SRGAP2: variants seen among roughly 807,000 people sequenced by gnomAD.
SRGAP2 encodes the protein SLIT-ROBO Rho GTPase-activating protein 2.
Under a neutral mutation model 57.2 loss-of-function variants are expected in SRGAP2, and 15 were observed. The observed-to-expected ratio is 0.26, with a 90% CI of 0.18 to 0.40. SRGAP2 has a LOEUF of 0.40. Ranked by LOEUF, SRGAP2 falls within the 10% of genes least tolerant of loss-of-function variation. The pLI, the probability that SRGAP2 is intolerant of heterozygous loss-of-function variation, is 1.00. For missense variants in SRGAP2, 520 were observed against 669.6 expected (o/e 0.78, Z 2.47); for synonymous variants, 249 against 248.0 (o/e 1.00, Z -0.04).
At chr1:206,448,165 G>A (rs1662936338) in intron 18 of SRGAP2, among the ~76,000 whole-genome samples, 1 of 152,154 alleles carries the variant, frequency 6.6e-6, no homozygotes, top group African/African-American at 2.4e-5. Flanking sequence ...CAGTAAGGAG[G>A]TGAGTGAGGG....
At chr1:206,290,325 C>A (rs1671239987) in intron 2 of SRGAP2, among the ~76,000 whole-genome samples, 1 of 152,272 alleles carries the variant, frequency 6.6e-6, no homozygotes, top group East Asian at 1.9e-4. Context: ...GATCAAAGAA[C>A]CTATGGGATA....
chr1:206,291,421 A>G (rs1671313181), intron 2 of SRGAP2, among the ~76,000 whole-genome samples: 2 of 152,158 alleles, frequency 1.3e-5, no homozygotes, highest in Non-Finnish European at 2.9e-5. Context: ...CTTCATAACA[A>G]TCCAGTGGAG....
chr1:206,339,940 C>T (rs1206259941), intron 3 of SRGAP2, among the ~76,000 whole-genome samples: 3 of 138,934 alleles, frequency 2.2e-5, no homozygotes, highest in Non-Finnish European at 4.6e-5. Flanking sequence ...CAGGTGTGCA[C>T]CATCCACACT....
At chr1:206,438,639 T>G (rs1322692288) in intron 16 of SRGAP2, among the ~76,000 whole-genome samples, 3 of 152,234 alleles carry the variant, frequency 2.0e-5, no homozygotes, top group African/African-American at 4.8e-5. Flanking sequence ...ACTCTAAAAT[T>G]TGGGTCTTGA....
At chr1:206,268,096 T>C (rs1329661966) in intron 2 of SRGAP2, among the ~76,000 whole-genome samples, 4 of 150,372 alleles carry the variant, frequency 2.7e-5, no homozygotes, top group Admixed American at 2.6e-4. Flanking sequence ...TTTTTTTTTT[T>C]AAATTATACT....
At chr1:206,424,024 C>G (rs915839824) in intron 13 of SRGAP2, among the ~76,000 whole-genome samples, 1 of 146,872 alleles carries the variant, frequency 6.8e-6, no homozygotes, top group South Asian at 2.1e-4. Context: ...AATTCCTGAG[C>G]TCAAGTGATC....
chr1:206,278,302 G>A (rs1435844637), intron 2 of SRGAP2, among the ~76,000 whole-genome samples: 1 of 149,728 alleles, frequency 6.7e-6, no homozygotes, highest in African/African-American at 2.4e-5. Flanking sequence ...GGGTAGTTGT[G>A]AGGGGAGTTG....
chr1:206,418,130 G>T (rs148444383), intron 11 of SRGAP2, among the ~76,000 whole-genome samples: 46 of 152,132 alleles, frequency 3.0e-4, no homozygotes, highest in Admixed American at 5.2e-4. Flanking sequence ...AAATCTTTCT[G>T]TGTGCAAGTC....
chr1:206,241,146 T>C (rs1553309100), intron 2 of SRGAP2, among the ~76,000 whole-genome samples: 1 of 152,184 alleles, frequency 6.6e-6, no homozygotes, highest in Non-Finnish European at 1.5e-5. Context: ...ATCATGCCTC[T>C]ACACTCTGGC....
At chr1:206,241,008 A>G (rs1419627838) in intron 2 of SRGAP2, among the ~76,000 whole-genome samples, 2 of 152,042 alleles carry the variant, frequency 1.3e-5, no homozygotes, top group Admixed American at 1.3e-4. Flanking sequence ...ACATAAGGAG[A>G]CCCCATCTCT....
At chr1:206,274,433 AC>A (rs1229387671) in intron 2 of SRGAP2, among the ~76,000 whole-genome samples, 1 of 142,384 alleles carries the variant, frequency 7.0e-6, no homozygotes, top group African/African-American at 2.7e-5. Flanking sequence ...TTGAAGACCA[AC>A]CTGGACAATG....
In SRGAP2 at chr1:206,462,793, A is replaced by G. The variant is rs1664346332; in HGVS notation, c.*1373A>G. The G allele has an allele frequency of 6.6e-6, 1 of 152,166 alleles. No homozygotes were observed. The highest frequency in any genetic ancestry group is 1.5e-5 in the Non-Finnish European group (1 of 68,046). 9.4% of individuals were successfully genotyped at this position (152,166 alleles called of 1,614,324 possible). On this transcript the variant is annotated 3_prime_UTR_variant, in exon 23 of 23. Transcript: ENST00000573034. The stretch of plus-strand genomic sequence containing the variant: ...TGGCCTTTTTTCTGGTTCCCTTCCA[A>G]AATGCACAAATCATACCCTTGTCTG...
intron 3 of SRGAP2, among the ~76,000 whole-genome samples, chr1:206,339,574 T>G (rs1413292865): frequency 6.6e-6 from 1 of 152,110 alleles, no homozygotes; most frequent in Non-Finnish European, 1.5e-5. Flanking sequence ...CTGGGTCTCT[T>G]GCTCATGTCA....
chr1:206,335,086 T>C (rs1373962217), intron 3 of SRGAP2, among the ~76,000 whole-genome samples: 2 of 150,174 alleles, frequency 1.3e-5, no homozygotes, highest in Non-Finnish European at 1.5e-5. Flanking sequence ...CTTTGTTCTG[T>C]CTTTTACCCT....
At chr1:206,268,077 A>ATG (rs1669972563) in intron 2 of SRGAP2, among the ~76,000 whole-genome samples, 2 of 143,288 alleles carry the variant, frequency 1.4e-5, no homozygotes, top group South Asian at 2.1e-4. Flanking sequence ...GACTATATAT[A>ATG]TATATTTTTT....
chr1:206,348,242 C>G, intron 4 of SRGAP2, among the ~76,000 whole-genome samples: 1 of 151,484 alleles, frequency 6.6e-6, no homozygotes, highest in Non-Finnish European at 1.5e-5. Flanking sequence ...AAAATTGAGC[C>G]CGTTTGGTGC....
intron 11 of SRGAP2, among the ~76,000 whole-genome samples, chr1:206,416,633 T>C (rs1659725767): frequency 6.6e-6 from 1 of 152,198 alleles, no homozygotes; most frequent in Non-Finnish European, 1.5e-5. Flanking sequence ...TCTCCTCAAC[T>C]GTCAAACAGA....
intron 3 of SRGAP2, among the ~76,000 whole-genome samples, chr1:206,305,717 T>G (rs1426748584): frequency 6.0e-5 from 9 of 150,386 alleles, no homozygotes; most frequent in Non-Finnish European, 1.0e-4. Flanking sequence ...GTGCCAAGTG[T>G]ATCTTATTTT....
intron 2 of SRGAP2, among the ~76,000 whole-genome samples, chr1:206,223,052 G>A (rs1485466185): frequency 4.0e-5 from 6 of 151,778 alleles, no homozygotes; most frequent in African/African-American, 1.5e-4. Context: ...GGGATTACAG[G>A]CGTGAGCCAC....
Sources: allele counts gnomAD v4.1 joint callset (sites outside exome capture counted in the v4.1 genomes callset), GRCh38; gene constraint gnomAD v4.1.1; transcripts MANE v1.5; gene names NCBI Gene and HGNC (gene_info 2026-07-23, HGNC 2026-07-21).